The following KCTD1 variants were observed in gnomAD, a reference collection of about 807,000 sequenced individuals.
KCTD1 encodes potassium channel tetramerization domain containing 1, also known as BTB/POZ domain-containing protein KCTD1.
Under a neutral mutation model 66.0 loss-of-function variants are expected in KCTD1, and 24 were observed. The observed-to-expected ratio is 0.36, with a 90% confidence interval of 0.26 to 0.51. The LOEUF (loss-of-function observed/expected upper bound fraction) is 0.51. KCTD1 is among the 20% of genes least tolerant of loss of function. The pLI, the probability that KCTD1 is intolerant of heterozygous loss-of-function variation, is 0.95. For missense variants in KCTD1, 943 were observed against 1,205.2 expected (o/e 0.78, Z 3.22); for synonymous variants, 511 against 517.2 (o/e 0.99, Z 0.16).
At chr18:26,602,424 A>C (rs1986918790) in intron 1 of KCTD1, among the ~76,000 whole-genome samples, 1 of 152,138 alleles carries the variant, frequency 6.6e-6, no homozygotes, top group Admixed American at 6.5e-5. Flanking sequence ...GCTTTATCTG[A>C]TTTTGTTATC....
chr18:26,549,867 TCCAGCCAAACGCCCGCCCCCGGCGCGC>T, upstream of KCTD1: 1 of 937,804 alleles, frequency 1.1e-6, no homozygotes, highest in Non-Finnish European at 1.3e-6. Flanking sequence ...CTGCCCCACT[TCCAGCCAAACGCCCGCCCCCGGCGCGC>T]CCAGGCTCCG....
intron 1 of KCTD1, among the ~76,000 whole-genome samples, chr18:26,652,842 A>T (rs1273804156): frequency 6.6e-6 from 1 of 152,204 alleles, no homozygotes. Flanking sequence ...ATTAGAAATG[A>T]CGTGAAAGAT....
intron 1 of KCTD1, among the ~76,000 whole-genome samples, chr18:26,576,737 C>A (rs575505147): frequency 2.0e-5 from 3 of 152,254 alleles, no homozygotes; most frequent in Admixed American, 6.5e-5. Context: ...TTTGTTCTGT[C>A]TTGACATTTC....
intron 1 of KCTD1, among the ~76,000 whole-genome samples, chr18:26,628,664 AACCTT>A (rs1987554136): frequency 6.6e-6 from 1 of 152,156 alleles, no homozygotes; most frequent in South Asian, 2.1e-4. Context: ...GCCTAAATTA[AACCTT>A]ACTCAACTTT....
chr18:26,571,390 T>C (rs1017432549), intron 1 of KCTD1, among the ~76,000 whole-genome samples: 11 of 152,200 alleles, frequency 7.2e-5, no homozygotes, highest in Non-Finnish European at 1.5e-4. Context: ...GTTATACAGT[T>C]GTCCCTCAGT....
intron 1 of KCTD1, among the ~76,000 whole-genome samples, chr18:26,615,434 G>A (rs1987228848): frequency 6.6e-6 from 1 of 152,220 alleles, no homozygotes; most frequent in African/African-American, 2.4e-5. Flanking sequence ...TAGAGAAGGG[G>A]ATGGGAGACT....
intron 1 of KCTD1, among the ~76,000 whole-genome samples, chr18:26,583,196 C>A (rs1486821086): frequency 6.6e-6 from 1 of 151,840 alleles, no homozygotes; most frequent in African/African-American, 2.4e-5. Context: ...GAGTTCAAGA[C>A]CAGTCTGGAC....
At chr18:26,590,389 G>A (rs751415341) in intron 1 of KCTD1, among the ~76,000 whole-genome samples, 143 of 152,170 alleles carry the variant, frequency 9.4e-4, no homozygotes, top group Non-Finnish European at 6.8e-4. Flanking sequence ...GTGCCCGGCT[G>A]TGAATGCATT....
At chr18:26,587,957 T>C (rs1228148907) in intron 1 of KCTD1, among the ~76,000 whole-genome samples, 4 of 152,248 alleles carry the variant, frequency 2.6e-5, no homozygotes, top group African/African-American at 9.6e-5. Flanking sequence ...ACAAAGGTTT[T>C]AGAATATGAC....
At chr18:26,521,654 G>A (rs1320496825) in intron 1 of KCTD1, among the ~76,000 whole-genome samples, 10 of 152,158 alleles carry the variant, frequency 6.6e-5, no homozygotes, top group African/African-American at 2.4e-4. Context: ...TTCTATACTC[G>A]ATTCCTGTGG....
chr18:26,465,567 C>T (rs112732496), intron 3 of KCTD1, among the ~76,000 whole-genome samples: 37 of 152,334 alleles, frequency 2.4e-4, no homozygotes, highest in African/African-American at 8.9e-4. Context: ...TTGATGGCTA[C>T]TGAAAGAAAT....
intron 1 of KCTD1, among the ~76,000 whole-genome samples, chr18:26,570,191 AATAT>A (rs1555643817): frequency 7.5e-6 from 1 of 132,550 alleles, no homozygotes. Flanking sequence ...ATCTAAAAAA[AATAT>A]ATATATATAT....
At chr18:26,589,497 C>T (rs971192463) in intron 1 of KCTD1, among the ~76,000 whole-genome samples, 1 of 152,092 alleles carries the variant, frequency 6.6e-6, no homozygotes, top group Non-Finnish European at 1.5e-5. Context: ...ATCTGAAATT[C>T]TCAGTGTAAA....
intron 1 of KCTD1, among the ~76,000 whole-genome samples, chr18:26,562,439 G>C (rs1383170649): frequency 1.5e-5 from 2 of 135,222 alleles, no homozygotes. Flanking sequence ...GGGGTGGGGG[G>C]GTGGGGGCGG....
At chr18:26,513,547 G>A (rs957591281) in intron 1 of KCTD1, among the ~76,000 whole-genome samples, 1 of 152,184 alleles carries the variant, frequency 6.6e-6, no homozygotes, top group South Asian at 2.1e-4. Context: ...AACTCAGAAC[G>A]TTTTCCCGAG....
chr18:26,514,987 C>A (rs1191446021), intron 1 of KCTD1, among the ~76,000 whole-genome samples: 1 of 152,176 alleles, frequency 6.6e-6, no homozygotes, highest in Non-Finnish European at 1.5e-5. Context: ...CAGCAGTGAA[C>A]AATCATCCTC....
At chr18:26,461,267 T>C (rs1446923183) in intron 3 of KCTD1, among the ~76,000 whole-genome samples, 1 of 152,242 alleles carries the variant, frequency 6.6e-6, no homozygotes, top group Non-Finnish European at 1.5e-5. Flanking sequence ...TGGGGGTCTT[T>C]AGCTGGGTAA....
At chr18:26,643,455 G>A (rs1404345702), upstream of KCTD1, among the ~76,000 whole-genome samples, 1 of 152,214 alleles carries the variant, frequency 6.6e-6, no homozygotes, top group Non-Finnish European at 1.5e-5. Context: ...AAGACAAGAT[G>A]TTAGAAGGGA....
At chr18:26,534,605 A>G (rs1598924431) in intron 1 of KCTD1, among the ~76,000 whole-genome samples, 1 of 152,300 alleles carries the variant, frequency 6.6e-6, no homozygotes, top group East Asian at 1.9e-4. Flanking sequence ...TAGAATATAT[A>G]TGTATATTTT....
Sources: gnomAD v4.1 joint callset for allele counts (sites outside exome capture counted in the v4.1 genomes callset) on GRCh38, gnomAD v4.1.1 for gene constraint, MANE v1.5 for transcripts, NCBI Gene and HGNC (gene_info 2026-07-23, HGNC 2026-07-21) for gene names.